The following PCDH9 variants were observed in gnomAD, a reference collection of about 807,000 sequenced individuals.
PCDH9 encodes the protein protocadherin 9, also known as protocadherin-9.
PCDH9 carries 24 observed loss-of-function variants against 70.6 expected under a neutral mutation model. That is an observed-to-expected ratio of 0.34 (90% CI 0.25 to 0.48). The LOEUF (loss-of-function observed/expected upper bound fraction) is 0.48. Among genes scored for constraint, PCDH9 ranks in the 20% least tolerant of loss-of-function variants. The pLI is 0.99. For missense variants in PCDH9, 1,281 were observed against 1,503.6 expected, an observed-to-expected ratio of 0.85 and a Z score of 2.45; for synonymous variants, 562 against 558.5, an observed-to-expected ratio of 1.01 and a Z score of -0.09.
In PCDH9 at chr13:67,226,893, A is replaced by G; in HGVS notation, c.1548T>C (p.Asp516=). 1 of 1,614,178 alleles carries G rather than the reference A, an allele frequency of 6.2e-7. No homozygotes were observed. Among genetic ancestry groups the G allele is most frequent in the Non-Finnish European group, 8.5e-7 (1 of 1,180,022 alleles). ...TCAAAACTCCTGTTTTTCGGTCCAG[A>G]TCAAAGAAGGAGGCATTCGGTCCAA... ...YQLGPNASFF[D]LDRKTGVLTA... The change falls in exon 2 of 5, where the codon GAT becomes GAC. Residue 516 remains aspartate, a synonymous_variant. Transcript: ENST00000377865. This position sits in a 1 kb window ranked among gnomAD's most constrained non-coding sequence, Gnocchi z 5.0.
chr13:66,852,501 A>G (rs569269888), intron 3 of PCDH9, among the ~76,000 whole-genome samples: 1 of 152,308 alleles, frequency 6.6e-6, no homozygotes, highest in Non-Finnish European at 1.5e-5. Context: ...AAAGATACAT[A>G]TGTATAATCT....
At chr13:66,383,349 T>G (rs1956878524) in intron 4 of PCDH9, among the ~76,000 whole-genome samples, 1 of 152,230 alleles carries the variant, frequency 6.6e-6, no homozygotes, top group Non-Finnish European at 1.5e-5. Flanking sequence ...ACCTTTCTTC[T>G]AAGAAAAATT....
intron 2 of PCDH9, among the ~76,000 whole-genome samples, chr13:66,934,503 T>C (rs2082872400): frequency 7.2e-6 from 1 of 138,866 alleles, no homozygotes. Context: ...ATCACACCAT[T>C]GCACTCCACC....
At chr13:66,726,322 G>A (rs950930994) in intron 3 of PCDH9, among the ~76,000 whole-genome samples, 2 of 152,094 alleles carry the variant, frequency 1.3e-5, no homozygotes, top group Non-Finnish European at 2.9e-5. Flanking sequence ...ACAAAGGGTG[G>A]TCTTGACAAA....
chr13:66,855,724 A>G (rs2081384114), intron 3 of PCDH9, among the ~76,000 whole-genome samples: 1 of 152,048 alleles, frequency 6.6e-6, no homozygotes, highest in Non-Finnish European at 1.5e-5. Flanking sequence ...TGAATGATTG[A>G]TAAAGCTGGG....
chr13:66,442,603 CT>C, intron 4 of PCDH9, among the ~76,000 whole-genome samples: 1 of 151,986 alleles, frequency 6.6e-6, no homozygotes, highest in Non-Finnish European at 1.5e-5. Flanking sequence ...ATTCAAGTAA[CT>C]GTTAGATCTC....
intron 2 of PCDH9, among the ~76,000 whole-genome samples, chr13:67,177,665 T>C (rs995439189): frequency 3.3e-5 from 5 of 152,098 alleles, no homozygotes; most frequent in Non-Finnish European, 7.4e-5. Context: ...TCTCTCTCCA[T>C]TGTCCTCTCA....
chr13:66,878,852 A>T (rs1477127414), intron 3 of PCDH9, among the ~76,000 whole-genome samples: 1 of 152,204 alleles, frequency 6.6e-6, no homozygotes, highest in Non-Finnish European at 1.5e-5. Flanking sequence ...GTATAGAACA[A>T]GCAAGAACAC....
chr13:66,749,368 G>T (rs1408248575), intron 3 of PCDH9, among the ~76,000 whole-genome samples: 1 of 152,074 alleles, frequency 6.6e-6, no homozygotes, highest in African/African-American at 2.4e-5. Flanking sequence ...ACCGCAGGAG[G>T]AATAACAACA....
chr13:66,652,371 C>T (rs184923885), intron 3 of PCDH9, among the ~76,000 whole-genome samples: 5 of 151,958 alleles, frequency 3.3e-5, no homozygotes, highest in African/African-American at 1.2e-4. Context: ...GAAAATAATC[C>T]CATGTACGAC....
At chr13:66,959,244 C>T (rs956753925) in intron 2 of PCDH9, among the ~76,000 whole-genome samples, 1 of 152,054 alleles carries the variant, frequency 6.6e-6, no homozygotes, top group Admixed American at 6.5e-5. Context: ...CTCCAAAAAT[C>T]TTAAATGAAT....
chr13:66,736,474 C>G (rs1246497791), intron 3 of PCDH9, among the ~76,000 whole-genome samples: 2 of 152,292 alleles, frequency 1.3e-5, no homozygotes, highest in East Asian at 3.9e-4. Flanking sequence ...ATACCTCGAC[C>G]TTGGACTTCT....
At chr13:66,517,416 T>G (rs534408307) in intron 4 of PCDH9, among the ~76,000 whole-genome samples, 1 of 152,204 alleles carries the variant, frequency 6.6e-6, no homozygotes, top group African/African-American at 2.4e-5. Context: ...AAAAATACTT[T>G]TGAGGAATTT....
intron 4 of PCDH9, among the ~76,000 whole-genome samples, chr13:66,389,135 T>A (rs1174917535): frequency 6.6e-6 from 1 of 152,178 alleles, no homozygotes; most frequent in African/African-American, 2.4e-5. Context: ...ATTTTATGAA[T>A]AAAATCATTG....
intron 3 of PCDH9, among the ~76,000 whole-genome samples, chr13:66,718,913 G>A (rs2078905815): frequency 6.6e-6 from 1 of 152,148 alleles, no homozygotes; most frequent in Non-Finnish European, 1.5e-5. Context: ...CCACAGACAT[G>A]GGATTGTTCC....
chr13:66,674,064 T>A (rs971605164), intron 3 of PCDH9, among the ~76,000 whole-genome samples: 1 of 152,058 alleles, frequency 6.6e-6, no homozygotes, highest in East Asian at 1.9e-4. Flanking sequence ...TATTAATACA[T>A]TTATTCACAT....
intron 4 of PCDH9, among the ~76,000 whole-genome samples, chr13:66,606,661 G>A (rs538492363): frequency 6.6e-5 from 10 of 152,088 alleles, no homozygotes; most frequent in East Asian, 5.8e-4. Context: ...GCTTTAGTAC[G>A]TCTCTCCTAA....
chr13:67,057,948 AT>A (rs150993623), intron 2 of PCDH9, among the ~76,000 whole-genome samples: 5,690 of 152,152 alleles, frequency 0.037, 175 homozygotes, highest in South Asian at 0.11. Flanking sequence ...GTAATTATAA[AT>A]GTGTAATTAA....
chr13:67,016,946 T>C (rs1323903), intron 2 of PCDH9, among the ~76,000 whole-genome samples: 59,533 of 151,640 alleles, frequency 0.39, 12,291 homozygotes, highest in East Asian at 0.65. Flanking sequence ...CTCAATGATA[T>C]TTTCTACTAG....
Sources: gnomAD v4.1 joint callset for allele counts (sites outside exome capture counted in the v4.1 genomes callset) on GRCh38, gnomAD v4.1.1 for gene constraint, Gnocchi (gnomAD v3.1) non-coding constraint, MANE v1.5 for transcripts, NCBI Gene and HGNC (gene_info 2026-07-23, HGNC 2026-07-21) for gene names.